TMEFF2: variants seen among roughly 807,000 people sequenced by gnomAD.
The protein encoded by TMEFF2 is transmembrane protein with EGF like and two follistatin like domains 2.
TMEFF2 carries 28 observed loss-of-function variants against 53.8 expected under a neutral mutation model. That is an observed-to-expected ratio of 0.52 (90% CI 0.39 to 0.71). TMEFF2 has a LOEUF of 0.71. TMEFF2 is among the 30% of genes least tolerant of loss of function. TMEFF2 has a pLI of 0.00. For missense variants in TMEFF2, 353 were observed against 455.2 expected (o/e 0.78, Z 2.04); for synonymous variants, 162 against 166.3 (o/e 0.97, Z 0.20).
Position 192,135,242 on chromosome 2 carries a change from G to C in TMEFF2, c.439+44426C>G, listed in dbSNP as rs561188622. Among the ~76,000 whole-genome samples the C allele has an allele frequency of 3.3e-5, 5 of 152,106 alleles. No individual in the cohort carries two copies. The South Asian group carries it at 1.0e-3, about 32-fold the overall frequency. On this transcript the variant is annotated intron_variant, in intron 4 of 9. Coordinates refer to ENST00000272771, the MANE Select transcript of TMEFF2 (RefSeq NM_016192.4). ...AAGCCATCACAGCTGATATCTCCTC[G>C]TGCTATCCCCAAACGGCCACTCTTA...
At position 191,959,624 on chromosome 2, in the gene TMEFF2, A is replaced by AAGTG. The variant is rs1692212825; in HGVS notation, c.746-3247_746-3246insCACT. Among the ~76,000 whole-genome samples the AAGTG allele has an allele frequency of 2.0e-5, 3 of 152,008 alleles. No homozygotes were observed. In the South Asian group the frequency reaches 6.2e-4, roughly 32 times the overall value. ...TAAATCAATACAGTCCAGTATGTAC[A>AAGTG]TGTGTGTGTATGTGTTTACCATTGC... On this transcript the variant is annotated intron_variant, in intron 7 of 9. Transcript: ENST00000272771.
intron 4 of TMEFF2, among the ~76,000 whole-genome samples, chr2:192,072,352 C>A (rs1184873433): frequency 6.6e-6 from 1 of 151,908 alleles, no homozygotes; most frequent in African/African-American, 2.4e-5. Context: ...AAGCTACATT[C>A]ACATGCATAC....
chr2:192,074,598 T>C (rs957533736), intron 4 of TMEFF2, among the ~76,000 whole-genome samples: 4 of 151,996 alleles, frequency 2.6e-5, no homozygotes, highest in Non-Finnish European at 5.9e-5. Flanking sequence ...TAGCCACCTG[T>C]AGCTGTTTAA....
chr2:192,184,433 C>T lies in TMEFF2; in HGVS notation c.333G>A (p.Gln111=). The T allele has an allele frequency of 1.2e-6, 2 of 1,613,446 alleles. No homozygotes were observed. The highest frequency in any genetic ancestry group is 1.7e-6 in the Non-Finnish European group (2 of 1,179,530). The change falls in exon 3 of 10, where the codon CAG becomes CAA. Residue 111 remains glutamine (Q), a synonymous_variant. Coordinates refer to ENST00000272771, the MANE Select transcript of TMEFF2 (RefSeq NM_016192.4). ...PVCGSNGESY[Q]NECYLRQAAC... ...CAGCCTGTCGCAGGTAACACTCATTCTGGTAGCTCTCCCCATTGGAGCCAC... is the reference window on the plus strand; with the variant it reads ...CAGCCTGTCGCAGGTAACACTCATTTTGGTAGCTCTCCCCATTGGAGCCAC...
chr2:192,113,946 T>C (rs909102035), intron 4 of TMEFF2, among the ~76,000 whole-genome samples: 7 of 152,132 alleles, frequency 4.6e-5, no homozygotes, highest in Non-Finnish European at 8.8e-5. Context: ...AAATCTCTTT[T>C]ACTTCAAAGT....
chr2:191,953,846 A>AATTATAGTGCCCAGTTACCTGTAGG lies in TMEFF2; in HGVS notation c.870-34_870-10dup. ...TATAACCAGCATCACACCTGGAAGA[A>AATTATAGTGCCCAGTTACCTGTAGG]ATTATAGTGCCCAGTTACCTGTAGG... On this transcript the variant is annotated splice_polypyrimidine_tract_variant and intron_variant, in intron 8 of 9. Coordinates refer to ENST00000272771, the MANE Select transcript of TMEFF2 (RefSeq NM_016192.4). 1.3e-6 allele frequency: 2 copies of AATTATAGTGCCCAGTTACCTGTAGG among 1,594,998 alleles called. No individual in the cohort carries two copies. Among genetic ancestry groups the AATTATAGTGCCCAGTTACCTGTAGG allele is most frequent in the Non-Finnish European group, 1.7e-6 (2 of 1,167,976 alleles).
chr2:192,186,181 A>C (rs1283545682), intron 2 of TMEFF2, among the ~76,000 whole-genome samples: 1 of 152,146 alleles, frequency 6.6e-6, no homozygotes, highest in Non-Finnish European at 1.5e-5. Context: ...CTAATGTTTA[A>C]CTCAATCAGA....
intron 4 of TMEFF2, chr2:192,176,782 T>A (rs1464964423): frequency 2.0e-5 from 3 of 151,222 alleles, no homozygotes; most frequent in Non-Finnish European, 3.0e-5. Context: ...ATTTTTAGAA[T>A]AATCAGGTCT....
chr2:192,122,717 T>C (rs546209491), intron 4 of TMEFF2, among the ~76,000 whole-genome samples: 1 of 152,234 alleles, frequency 6.6e-6, no homozygotes, highest in South Asian at 2.1e-4. Context: ...ATGAAATAAA[T>C]ATGCAGGATA....
chr2:191,980,033 C>G (rs1315441843), intron 7 of TMEFF2, among the ~76,000 whole-genome samples: 1 of 152,118 alleles, frequency 6.6e-6, no homozygotes, highest in Admixed American at 6.5e-5. Flanking sequence ...AGCTCTCAGT[C>G]TTATTCGTTT....
intron 5 of TMEFF2, among the ~76,000 whole-genome samples, chr2:192,047,094 G>A (rs905357381): frequency 1.3e-5 from 2 of 151,734 alleles, no homozygotes; most frequent in African/African-American, 4.8e-5. Flanking sequence ...CTAATTTTTT[G>A]TATTTTAGTT....
At chr2:192,154,864 A>G (rs1409758876) in intron 4 of TMEFF2, among the ~76,000 whole-genome samples, 2 of 151,882 alleles carry the variant, frequency 1.3e-5, no homozygotes, top group Non-Finnish European at 2.9e-5. Flanking sequence ...TTTGGAAAGT[A>G]CATTCCCCCA....
At chr2:192,019,828 T>G (rs1298331091) in intron 5 of TMEFF2, among the ~76,000 whole-genome samples, 2 of 152,044 alleles carry the variant, frequency 1.3e-5, no homozygotes, top group South Asian at 2.1e-4. Flanking sequence ...ATTAGAACAC[T>G]ACATGGAGAA....
chr2:192,108,385 T>C (rs1689200195), intron 4 of TMEFF2, among the ~76,000 whole-genome samples: 1 of 151,962 alleles, frequency 6.6e-6, no homozygotes, highest in African/African-American at 2.4e-5. Context: ...GTAATCTTTT[T>C]TTAAATGAAA....
intron 7 of TMEFF2, among the ~76,000 whole-genome samples, chr2:191,996,861 G>GAACCCA (rs1334220783): frequency 6.6e-6 from 1 of 151,882 alleles, no homozygotes; most frequent in Non-Finnish European, 1.5e-5. Context: ...GGACAGGGCT[G>GAACCCA]GGTTAGCCAC....
intron 5 of TMEFF2, among the ~76,000 whole-genome samples, chr2:192,056,450 T>TA (rs1043623001): frequency 6.6e-6 from 1 of 151,566 alleles, no homozygotes; most frequent in Non-Finnish European, 1.5e-5. Context: ...AGGAGAGGAA[T>TA]AAAAAAAGGC....
chr2:191,957,095 G>A (rs115058048), intron 7 of TMEFF2, among the ~76,000 whole-genome samples: 8 of 152,262 alleles, frequency 5.3e-5, no homozygotes, highest in East Asian at 3.9e-4. Flanking sequence ...ACGAATAAAC[G>A]TGGATTCTAA....
chr2:192,173,314 AG>A (rs1690960441), intron 4 of TMEFF2, among the ~76,000 whole-genome samples: 1 of 151,886 alleles, frequency 6.6e-6, no homozygotes, highest in South Asian at 2.1e-4. Context: ...ATGCTATAAT[AG>A]TGCTTTCTAT....
intron 4 of TMEFF2, among the ~76,000 whole-genome samples, chr2:192,172,772 T>C (rs1296006055): frequency 1.3e-5 from 2 of 151,912 alleles, no homozygotes; most frequent in Admixed American, 6.6e-5. Flanking sequence ...GATGTAATAA[T>C]AGAATGTCAT....
Sources: gnomAD v4.1 joint callset for allele counts (sites outside exome capture counted in the v4.1 genomes callset) on GRCh38, gnomAD v4.1.1 for gene constraint, MANE v1.5 for transcripts, NCBI Gene and HGNC (gene_info 2026-07-23, HGNC 2026-07-21) for gene names.